Variants in IMMP1L observed in about 807,000 individuals in gnomAD.
The protein encoded by IMMP1L is mitochondrial inner membrane protease subunit 1.
In IMMP1L, 24 loss-of-function variants were observed where a neutral mutation model predicts 21.8. That is an observed-to-expected ratio of 1.10 (90% confidence interval 0.80 to 1.55). IMMP1L has a LOEUF of 1.55. IMMP1L is among the 40% of genes most tolerant of loss of function. The pLI is 0.00. For missense variants in IMMP1L, 195 were observed against 200.7 expected, an observed-to-expected ratio of 0.97 and a Z score of 0.17; for synonymous variants, 46 against 62.8, an observed-to-expected ratio of 0.73 and a Z score of 1.26.
intron 3 of IMMP1L, among the ~76,000 whole-genome samples, chr11:31,457,808 T>C (rs775181314): frequency 5.3e-5 from 8 of 152,126 alleles, no homozygotes; most frequent in Non-Finnish European, 1.2e-4. Context: ...AGTGCAGAAA[T>C]AGTATTTACA....
At chr11:31,456,233 A>T in intron 4 of IMMP1L, 27 bp downstream of exon 4, 1 of 1,505,120 alleles carries the variant, frequency 6.6e-7, no homozygotes. Context: ...ATGACACCAA[A>T]AATAACATAA....
At chr11:31,488,186 A>G (rs961482753) in intron 1 of IMMP1L, 2 of 152,210 alleles carry the variant, frequency 1.3e-5, no homozygotes, top group African/African-American at 4.8e-5. Flanking sequence ...TTCCAGAAAA[A>G]AAAAAAATAA....
chr11:31,481,838 G>T (rs908445760), intron 1 of IMMP1L, among the ~76,000 whole-genome samples: 1 of 151,776 alleles, frequency 6.6e-6, no homozygotes, highest in African/African-American at 2.4e-5. Flanking sequence ...AAAAAAAAAG[G>T]TATATTTAAA....
chr11:31,503,213 A>G (rs1266924207), intron 1 of IMMP1L, among the ~76,000 whole-genome samples: 1 of 152,230 alleles, frequency 6.6e-6, no homozygotes, highest in Admixed American at 6.5e-5. Context: ...AGTAGTAAAT[A>G]TTTTGAAATA....
At chr11:31,456,409 A>G (rs1953939445) in intron 3 of IMMP1L, 23 bp from the exon 4 acceptor site, 2 of 1,600,990 alleles carry the variant, frequency 1.2e-6, no homozygotes, top group African/African-American at 2.7e-5. Flanking sequence ...AGTCAAAGAA[A>G]TGTCTGTATT....
At chr11:31,493,064 C>T (rs1454047820) in intron 1 of IMMP1L, among the ~76,000 whole-genome samples, 3 of 152,028 alleles carry the variant, frequency 2.0e-5, no homozygotes, top group Non-Finnish European at 2.9e-5. Context: ...CTTCAAAGCT[C>T]GATACAGGGA....
chr11:31,472,874 A>T (rs59209694), intron 1 of IMMP1L, among the ~76,000 whole-genome samples: 3,064 of 150,648 alleles, frequency 0.02, 90 homozygotes, highest in African/African-American at 0.069. Context: ...TTATTTATTT[A>T]TTTTTTTTTG....
At chr11:31,508,367 T>C (rs1435744628) in intron 1 of IMMP1L, among the ~76,000 whole-genome samples, 3 of 152,218 alleles carry the variant, frequency 2.0e-5, no homozygotes, top group Non-Finnish European at 4.4e-5. Flanking sequence ...AGGTCTAAAA[T>C]GACAAGATTA....
chr11:31,468,517 G>C (rs185005492), intron 1 of IMMP1L, among the ~76,000 whole-genome samples: 1 of 152,058 alleles, frequency 6.6e-6, no homozygotes, highest in East Asian at 1.9e-4. Flanking sequence ...ATTTTTTTCA[G>C]CTTTTTTTGT....
At chr11:31,470,859 A>G (rs1185591375) in intron 1 of IMMP1L, among the ~76,000 whole-genome samples, 1 of 152,240 alleles carries the variant, frequency 6.6e-6, no homozygotes, top group Non-Finnish European at 1.5e-5. Context: ...ATGTTAGTGA[A>G]ATAAGCCAGG....
intron 1 of IMMP1L, among the ~76,000 whole-genome samples, chr11:31,482,089 AAC>A (rs1243351646): frequency 6.6e-6 from 1 of 152,102 alleles, no homozygotes; most frequent in Non-Finnish European, 1.5e-5. Context: ...AACATGAATA[AAC>A]ACACTGTTTT....
chr11:31,489,742 C>A (rs978063683), intron 1 of IMMP1L, among the ~76,000 whole-genome samples: 1 of 151,874 alleles, frequency 6.6e-6, no homozygotes, highest in Non-Finnish European at 1.5e-5. Flanking sequence ...CTCTTTATGA[C>A]ACTACCACTT....
chr11:31,494,982 T>A (rs2133804633), intron 1 of IMMP1L, among the ~76,000 whole-genome samples: 1 of 152,338 alleles, frequency 6.6e-6, no homozygotes, highest in Admixed American at 6.5e-5. Context: ...TCCTCTTGAA[T>A]ACTTCACTGC....
chr11:31,505,529 G>C (rs757564606), intron 1 of IMMP1L, among the ~76,000 whole-genome samples: 1 of 152,194 alleles, frequency 6.6e-6, no homozygotes, highest in African/African-American at 2.4e-5. Flanking sequence ...TTCTGACATG[G>C]ACCCCTATTA....
At position 31,496,904 on chromosome 11, in the gene IMMP1L, T is replaced by C. The variant is rs1197490192; in HGVS notation, c.-30+12615A>G. On this transcript the variant is annotated intron_variant, in intron 1 of 5. Transcript: ENST00000532287. ...CTGATATATATGATCTTATATCATA[T>C]ATAATACAATCTTATATATTATATA... 4.1e-5 allele frequency among the ~76,000 whole-genome samples: 6 copies of C among 148,094 alleles called. No homozygotes were observed. In the East Asian group the frequency reaches 7.8e-4, roughly 19 times the overall value.
chr11:31,500,409 T>C (rs997595311), intron 1 of IMMP1L, among the ~76,000 whole-genome samples: 4 of 152,038 alleles, frequency 2.6e-5, no homozygotes, highest in African/African-American at 7.2e-5. Flanking sequence ...AAACAAGAGA[T>C]ATAGAATTAA....
At chr11:31,495,089 G>A (rs1955389023) in intron 1 of IMMP1L, among the ~76,000 whole-genome samples, 1 of 152,182 alleles carries the variant, frequency 6.6e-6, no homozygotes. Context: ...CAGTCTCTTT[G>A]CTAAAGCATA....
chr11:31,434,886 A>G (rs1327871894), intron 4 of IMMP1L, among the ~76,000 whole-genome samples: 1 of 152,182 alleles, frequency 6.6e-6, no homozygotes, highest in Non-Finnish European at 1.5e-5. Context: ...CTTCCTTGCT[A>G]TCTAATAAAA....
At chr11:31,467,652 G>A (rs971261524) in intron 1 of IMMP1L, among the ~76,000 whole-genome samples, 1 of 152,068 alleles carries the variant, frequency 6.6e-6, no homozygotes, top group Non-Finnish European at 1.5e-5. Flanking sequence ...GCTAATAAAT[G>A]TAGAAGGAAT....
Sources: allele counts gnomAD v4.1 joint callset (sites outside exome capture counted in the v4.1 genomes callset), GRCh38; gene constraint gnomAD v4.1.1; transcripts MANE v1.5; gene names NCBI Gene and HGNC (gene_info 2026-07-23, HGNC 2026-07-21).